CACNA2D3: variants seen among roughly 807,000 people sequenced by gnomAD.
CACNA2D3 encodes the protein voltage-dependent calcium channel subunit alpha-2/delta-3.
A neutral mutation model predicts 160.6 loss-of-function variants in CACNA2D3; 60 were observed. The observed-to-expected ratio is 0.37, with a 90% confidence interval of 0.30 to 0.46. The LOEUF is 0.46. Ranked by LOEUF, CACNA2D3 falls within the 20% of genes least tolerant of loss-of-function variation. CACNA2D3 has a pLI of 1.00. For missense variants in CACNA2D3, 1,205 were observed against 1,365.0 expected (o/e 0.88, Z 1.85); for synonymous variants, 558 against 492.9 (o/e 1.13, Z -1.75).
In CACNA2D3 at chr3:54,655,360, C is replaced by A. The variant is rs138713134; in HGVS notation, c.1167+13119C>A. Among the ~76,000 whole-genome samples, 190 of 152,324 alleles carry A rather than the reference C, an allele frequency of 1.2e-3. 1 individual carries two copies. Among genetic ancestry groups the A allele is most frequent in the African/African-American group, 4.3e-3 (179 of 41,566 alleles). ...AAACAAAATGTTGCGCTCCCAAGCT[C>A]AGTGCTGGGCACACAGCAGGCACAG... On this transcript the variant is annotated intron_variant, in intron 11 of 37. Transcript: ENST00000474759.
chr3:54,167,630 G>A (rs1700485002), intron 2 of CACNA2D3, among the ~76,000 whole-genome samples: 1 of 152,140 alleles, frequency 6.6e-6, no homozygotes, highest in African/African-American at 2.4e-5. Flanking sequence ...GAGGGGTTGG[G>A]GTCTAGAGGT....
At chr3:54,820,493 T>C (rs1207232082) in intron 14 of CACNA2D3, among the ~76,000 whole-genome samples, 3 of 152,234 alleles carry the variant, frequency 2.0e-5, no homozygotes, top group Non-Finnish European at 4.4e-5. Context: ...TCCTAGACTC[T>C]ATAAATTTCA....
At chr3:54,592,029 T>C (rs1203319589) in intron 9 of CACNA2D3, among the ~76,000 whole-genome samples, 1 of 152,204 alleles carries the variant, frequency 6.6e-6, no homozygotes, top group South Asian at 2.1e-4. Context: ...ACTGCAGTGT[T>C]AACTTCAAGT....
chr3:54,804,318 A>G lies in CACNA2D3; in HGVS notation c.1381-12535A>G, dbSNP rs374373934. ...GCTGTATTCAGGAAACCCATCTCAC[A>G]TGCAGAGACACACATAGGCTCAAAA... On this transcript the variant is annotated intron_variant, in intron 13 of 37. Coordinates refer to ENST00000474759, the MANE Select transcript of CACNA2D3 (RefSeq NM_018398.3). Among the ~76,000 whole-genome samples the G allele has an allele frequency of 4.7e-3, 708 of 151,906 alleles. 9 individuals are homozygous for G. Among genetic ancestry groups the G allele is most frequent in the African/African-American group, 0.016 (675 of 41,306 alleles).
At chr3:54,935,229 G>A (rs1701299693) in intron 27 of CACNA2D3, among the ~76,000 whole-genome samples, 1 of 152,164 alleles carries the variant, frequency 6.6e-6, no homozygotes, top group Non-Finnish European at 1.5e-5. Flanking sequence ...TACCTCTGGG[G>A]TAGACTTGCA....
At chr3:54,647,632 G>T (rs1699677234) in intron 11 of CACNA2D3, among the ~76,000 whole-genome samples, 1 of 152,192 alleles carries the variant, frequency 6.6e-6, no homozygotes, top group African/African-American at 2.4e-5. Context: ...GCAGAAGGAA[G>T]TTGGGGAACA....
At chr3:54,489,153 G>T (rs143444082) in intron 4 of CACNA2D3, among the ~76,000 whole-genome samples, 1 of 152,200 alleles carries the variant, frequency 6.6e-6, no homozygotes, top group Non-Finnish European at 1.5e-5. Context: ...CTCATCAGCC[G>T]TGCTAAGGAT....
chr3:54,815,554 T>G (rs974192022), intron 13 of CACNA2D3, among the ~76,000 whole-genome samples: 1 of 152,216 alleles, frequency 6.6e-6, no homozygotes, highest in Non-Finnish European at 1.5e-5. Flanking sequence ...GCACTTCTGA[T>G]GTCATAAGCT....
chr3:54,436,411 A>T (rs1202024420), intron 4 of CACNA2D3, among the ~76,000 whole-genome samples: 1 of 152,226 alleles, frequency 6.6e-6, no homozygotes, highest in Non-Finnish European at 1.5e-5. Flanking sequence ...CATTTGACCC[A>T]GCAATGCCAT....
At chr3:54,513,601 C>T (rs1162156348) in intron 5 of CACNA2D3, among the ~76,000 whole-genome samples, 5 of 152,216 alleles carry the variant, frequency 3.3e-5, no homozygotes, top group Non-Finnish European at 7.3e-5. Flanking sequence ...GGGCTCCACA[C>T]TGCCTCCCTA....
At position 54,899,840 on chromosome 3, in the gene CACNA2D3, G is replaced by A; in HGVS notation, c.2421G>A (p.Leu807=). 6.2e-7 allele frequency: 1 copy of A among 1,606,736 alleles called. No individual in the cohort carries two copies. The highest frequency in any genetic ancestry group is 8.5e-7 in the Non-Finnish European group (1 of 1,176,518). The part of the protein sequence containing the change: ...VVTASTSIQL[L]DERKSPVVAA... ...CAGCAAGTACATCCATCCAGCTCCT[G>A]GATGAACGGAAATCTCCTGTGGTGG... Residue 807 remains leucine, a synonymous_variant, in exon 27 of 38, where the codon CTG becomes CTA. Coordinates refer to ENST00000474759, the MANE Select transcript of CACNA2D3 (RefSeq NM_018398.3).
intron 2 of CACNA2D3, among the ~76,000 whole-genome samples, chr3:54,312,496 T>G (rs1226992020): frequency 2.0e-5 from 3 of 152,158 alleles, no homozygotes; most frequent in African/African-American, 7.2e-5. Flanking sequence ...CTCTGGGGGC[T>G]GTTCTAGGCG....
chr3:54,464,540 C>T (rs985125844), intron 4 of CACNA2D3, among the ~76,000 whole-genome samples: 3 of 152,198 alleles, frequency 2.0e-5, no homozygotes, highest in Admixed American at 1.3e-4. Context: ...GCTGTGCTAG[C>T]AATCAGCAAG....
At chr3:54,317,404 C>T (rs1703887475) in intron 2 of CACNA2D3, among the ~76,000 whole-genome samples, 2 of 152,196 alleles carry the variant, frequency 1.3e-5, no homozygotes, top group African/African-American at 2.4e-5. Flanking sequence ...TCTATTTCTT[C>T]CAGTTCTGGA....
chr3:54,759,242 C>G (rs930154449), intron 12 of CACNA2D3, among the ~76,000 whole-genome samples: 8 of 152,050 alleles, frequency 5.3e-5, no homozygotes, highest in African/African-American at 1.9e-4. Flanking sequence ...ATTGCTGATT[C>G]TGTTTTCTTA....
At chr3:54,523,416 C>T (rs6793219) in intron 5 of CACNA2D3, among the ~76,000 whole-genome samples, 42,836 of 151,888 alleles carry the variant, frequency 0.28, 6,658 homozygotes, top group Non-Finnish European at 0.35. Flanking sequence ...GTATATAATT[C>T]TTCTTAAGTG....
chr3:54,291,321 C>G (rs1703198976), intron 2 of CACNA2D3, among the ~76,000 whole-genome samples: 2 of 152,166 alleles, frequency 1.3e-5, no homozygotes. Context: ...TCCTTTTTCT[C>G]AGATAGGCAA....
At position 54,422,120 on chromosome 3, in the gene CACNA2D3, G is replaced by A. The variant is rs56925856; in HGVS notation, c.381+35346G>A. Among the ~76,000 whole-genome samples, 405 of 152,326 alleles carry A rather than the reference G, an allele frequency of 2.7e-3. 2 individuals carry two copies. The highest frequency in any genetic ancestry group is 0.024 in the East Asian group (122 of 5,176). On this transcript the variant is annotated intron_variant, in intron 4 of 37. Transcript: ENST00000474759. ...TCAGGGTTCACTGGTTGGAGAAAAC[G>A]AGCCCTGCTTTTGTAAAGCAGTTAA...
intron 9 of CACNA2D3, among the ~76,000 whole-genome samples, chr3:54,607,528 C>T (rs1032698279): frequency 6.6e-6 from 1 of 152,188 alleles, no homozygotes; most frequent in Middle Eastern, 3.4e-3. Flanking sequence ...AGTGCCGCTA[C>T]ACACAATAGC....
Sources: gnomAD v4.1 joint callset for allele counts (sites outside exome capture counted in the v4.1 genomes callset) on GRCh38, gnomAD v4.1.1 for gene constraint, MANE v1.5 for transcripts, NCBI Gene and HGNC (gene_info 2026-07-23, HGNC 2026-07-21) for gene names.